The following PPARGC1B variants were observed in gnomAD, a reference collection of about 807,000 sequenced individuals.
PPARGC1B encodes the protein peroxisome proliferator-activated receptor gamma coactivator 1-beta.
Under a neutral mutation model 101.6 loss-of-function variants are expected in PPARGC1B, and 34 were observed. The observed-to-expected ratio is 0.33, with a 90% confidence interval of 0.25 to 0.45. The LOEUF (loss-of-function observed/expected upper bound fraction) is 0.45. PPARGC1B is among the 20% of genes least tolerant of loss of function. The pLI, the probability that PPARGC1B is intolerant of heterozygous loss-of-function variation, is 1.00. For missense variants in PPARGC1B, 1,234 were observed against 1,317.6 expected (o/e 0.94, Z 0.98); for synonymous variants, 548 against 539.3 (o/e 1.02, Z -0.22).
intron 6 of PPARGC1B, 47 bp downstream of exon 6, chr5:149,834,757 T>C (rs769092292): frequency 6.4e-7 from 1 of 1,557,420 alleles, no homozygotes; most frequent in Non-Finnish European, 8.9e-7. Flanking sequence ...AGATTTTGTC[T>C]TGTTGGATGT....
chr5:149,782,795 G>A (rs374712450), intron 1 of PPARGC1B, among the ~76,000 whole-genome samples: 1 of 152,214 alleles, frequency 6.6e-6, no homozygotes, highest in Non-Finnish European at 1.5e-5. Context: ...GCTGCTCTAG[G>A]GTCCTGCACA....
At chr5:149,817,146 A>C (rs946970991) in intron 1 of PPARGC1B, among the ~76,000 whole-genome samples, 3 of 151,620 alleles carry the variant, frequency 2.0e-5, no homozygotes, top group Non-Finnish European at 4.4e-5. Flanking sequence ...TGCTCTTCCC[A>C]CCTCTTCCAC....
rs373876386 is a variant in PPARGC1B, at chr5:149,820,828, G to A, written c.252+222G>A. On this transcript the variant is annotated intron_variant, in intron 2 of 11. Transcript: ENST00000309241. ...TTGCTGTGTCACCTCCAGAAAGTAAGGGTGAGATGAACTGCTCTCTAGGCC... is the reference window on the plus strand; with the variant it reads ...TTGCTGTGTCACCTCCAGAAAGTAAAGGTGAGATGAACTGCTCTCTAGGCC... Among the ~76,000 whole-genome samples, 16 of 152,302 alleles carry A rather than the reference G, an allele frequency of 1.1e-4. No homozygotes were observed. The East Asian group carries it at 1.2e-3, about 11-fold the overall frequency.
At chr5:149,732,848 T>G in intron 1 of PPARGC1B, 1 of 479,152 alleles carries the variant, frequency 2.1e-6, no homozygotes, top group South Asian at 1.5e-5. Flanking sequence ...CCAGGTCCTG[T>G]GTGTTACCTA....
At chr5:149,820,334 G>A (rs1758237494) in intron 1 of PPARGC1B, 99 bp from the exon 2 acceptor site, 10 of 1,211,374 alleles carry the variant, frequency 8.3e-6, no homozygotes, top group Non-Finnish European at 1.0e-5. Context: ...TCGGGCCTTG[G>A]CCACGGGTCC....
rs555578388 is a variant in PPARGC1B at position 149,837,883 on chromosome 5, G to C, written c.2618+810G>C. ...GCCACTAGATGCTGCTCTTGGGCTAGAGCCCAGCTGCCGAATCCGCTGCAG... is the reference window on the plus strand; with the variant it reads ...GCCACTAGATGCTGCTCTTGGGCTACAGCCCAGCTGCCGAATCCGCTGCAG... On this transcript the variant is annotated intron_variant, in intron 8 of 11. Coordinates refer to ENST00000309241, the MANE Select transcript of PPARGC1B (RefSeq NM_133263.4). The surrounding 1 kb of genome is among the most constrained non-coding windows in gnomAD (Gnocchi z 4.2). Among the ~76,000 whole-genome samples the C allele has an allele frequency of 6.6e-6, 1 of 152,312 alleles. No homozygotes were observed. Among genetic ancestry groups the C allele is most frequent in the East Asian group, 1.9e-4 (1 of 5,184 alleles).
rs371119302 is a variant in PPARGC1B at position 149,776,572 on chromosome 5, G to A, written c.79-43861G>A. Among the ~76,000 whole-genome samples, 561 of 152,260 alleles carry A rather than the reference G, an allele frequency of 3.7e-3. 5 individuals carry two copies. Among genetic ancestry groups the A allele is most frequent in the Middle Eastern group, 0.014 (4 of 294 alleles). On this transcript the variant is annotated intron_variant, in intron 1 of 11. Coordinates refer to ENST00000309241, the MANE Select transcript of PPARGC1B (RefSeq NM_133263.4). ...TGTGGTTGGCATTCGTTGAACTAGG[G>A]GATCTTGAGAGCATGTGTAGGTGGT...
At chr5:149,804,847 G>A (rs1015195421) in intron 1 of PPARGC1B, among the ~76,000 whole-genome samples, 5 of 152,172 alleles carry the variant, frequency 3.3e-5, no homozygotes, top group Admixed American at 3.3e-4. Flanking sequence ...AAGGAAGAAG[G>A]CCACCATGCC....
At chr5:149,838,408 G>A (rs903132665) in intron 8 of PPARGC1B, among the ~76,000 whole-genome samples, 4 of 151,478 alleles carry the variant, frequency 2.6e-5, no homozygotes, top group Admixed American at 1.3e-4. Flanking sequence ...GCGTTCTGCC[G>A]ACTTCGCTGA....
chr5:149,845,466 T>C (rs139184134), intron 10 of PPARGC1B, among the ~76,000 whole-genome samples: 1 of 152,324 alleles, frequency 6.6e-6, no homozygotes, highest in East Asian at 1.9e-4. Flanking sequence ...GCAGAACCTC[T>C]TTCCTCATCT....
chr5:149,804,402 G>A (rs1307204187), intron 1 of PPARGC1B, among the ~76,000 whole-genome samples: 5 of 152,116 alleles, frequency 3.3e-5, no homozygotes, highest in African/African-American at 1.2e-4. Context: ...GGCCGGGTGC[G>A]GTGGCTCACA....
At chr5:149,777,812 C>T (rs1235186093) in intron 1 of PPARGC1B, among the ~76,000 whole-genome samples, 1 of 142,672 alleles carries the variant, frequency 7.0e-6, no homozygotes, top group Non-Finnish European at 1.5e-5. Context: ...CACACACACA[C>T]ACACACACAC....
intron 1 of PPARGC1B, among the ~76,000 whole-genome samples, chr5:149,748,736 G>A (rs1019534166): frequency 1.3e-5 from 2 of 152,342 alleles, no homozygotes; most frequent in Admixed American, 1.3e-4. Context: ...GAGTGGCTAG[G>A]TGAGAGGCTT....
chr5:149,774,347 A>C (rs1230593073), intron 1 of PPARGC1B, among the ~76,000 whole-genome samples: 1 of 152,212 alleles, frequency 6.6e-6, no homozygotes, highest in African/African-American at 2.4e-5. Context: ...TCACCTGCAC[A>C]GCAGGGCTAA....
rs1415802401 is a variant in PPARGC1B, at chr5:149,837,431, G to A, written c.2618+358G>A. Reference sequence around the variant, plus strand: ...ATGTTTGTAAAATGGATAAGTTTTTGTGCAAACATACCTGCCCCAACAGTT... The same window carrying A: ...ATGTTTGTAAAATGGATAAGTTTTTATGCAAACATACCTGCCCCAACAGTT... On this transcript the variant is annotated intron_variant, in intron 8 of 11. Transcript: ENST00000309241. The surrounding 1 kb of genome is among the most constrained non-coding windows in gnomAD (Gnocchi z 4.2). 6.6e-6 allele frequency among the ~76,000 whole-genome samples: 1 copy of A among 152,198 alleles called. No homozygotes were observed. Among genetic ancestry groups the A allele is most frequent in the African/African-American group, 2.4e-5 (1 of 41,448 alleles).
chr5:149,752,028 T>G (rs531196200), intron 1 of PPARGC1B, among the ~76,000 whole-genome samples: 2 of 152,344 alleles, frequency 1.3e-5, no homozygotes, highest in Admixed American at 1.3e-4. Flanking sequence ...CATAAACAGA[T>G]GTAAGGCTAT....
chr5:149,735,635 C>G (rs142089054), intron 1 of PPARGC1B, among the ~76,000 whole-genome samples: 1 of 152,292 alleles, frequency 6.6e-6, no homozygotes, highest in Non-Finnish European at 1.5e-5. Flanking sequence ...CACAGCTGTA[C>G]AGATCTTACA....
intron 1 of PPARGC1B, among the ~76,000 whole-genome samples, chr5:149,814,869 G>A (rs535440705): frequency 2.4e-4 from 37 of 152,324 alleles, no homozygotes; most frequent in Admixed American, 1.4e-3. Flanking sequence ...GAGAAGGGGG[G>A]CCCACGGCAG....
At chr5:149,753,461 G>A (rs1755391717) in intron 1 of PPARGC1B, among the ~76,000 whole-genome samples, 1 of 152,028 alleles carries the variant, frequency 6.6e-6, no homozygotes. Context: ...TCCCACCTCG[G>A]CCTCCCAAAA....
Sources: allele counts gnomAD v4.1 joint callset (sites outside exome capture counted in the v4.1 genomes callset), GRCh38; gene constraint gnomAD v4.1.1; non-coding constraint Gnocchi (gnomAD v3.1); transcripts MANE v1.5; gene names NCBI Gene and HGNC (gene_info 2026-07-23, HGNC 2026-07-21).